The following MAP4K3 variants were observed in gnomAD, a reference collection of about 807,000 sequenced individuals.
The protein encoded by MAP4K3 is MAPK/ERK kinase kinase kinase 3.
MAP4K3 carries 94 observed loss-of-function variants against 143.5 expected under a neutral mutation model. That is an observed-to-expected ratio of 0.65 (90% CI 0.55 to 0.78). The LOEUF (loss-of-function observed/expected upper bound fraction) is 0.78, where lower values mean the gene tolerates loss of function less well. MAP4K3 is among the 30% of genes least tolerant of loss of function. MAP4K3 has a pLI of 0.00. For missense variants in MAP4K3, 1,077 were observed against 1,068.1 expected, an observed-to-expected ratio of 1.01 and a Z score of -0.12; for synonymous variants, 416 against 347.2, an observed-to-expected ratio of 1.20 and a Z score of -2.20.
intron 13 of MAP4K3, among the ~76,000 whole-genome samples, chr2:39,312,120 G>C (rs1278857501): frequency 6.6e-6 from 1 of 152,104 alleles, no homozygotes; most frequent in African/African-American, 2.4e-5. Flanking sequence ...GCTAAATTTT[G>C]GGTTTGCTAC....
At chr2:39,289,503 G>A (rs1681941731) in intron 19 of MAP4K3, among the ~76,000 whole-genome samples, 1 of 151,882 alleles carries the variant, frequency 6.6e-6, no homozygotes, top group African/African-American at 2.4e-5. Context: ...CCCATCAGTT[G>A]AAATTACTAT....
intron 28 of MAP4K3, among the ~76,000 whole-genome samples, chr2:39,261,349 C>T (rs1280496367): frequency 6.6e-6 from 1 of 152,014 alleles, no homozygotes; most frequent in African/African-American, 2.4e-5. Flanking sequence ...TATATTGCTA[C>T]AAAGAATAAA....
intron 28 of MAP4K3, 159 bp from the exon 29 acceptor site, chr2:39,260,936 AT>A: frequency 3.5e-6 from 2 of 568,328 alleles, no homozygotes; most frequent in South Asian, 2.4e-5. Context: ...TTTTATAAAC[AT>A]TTTAGGTTTA....
chr2:39,256,828 T>C (rs1355038843), intron 31 of MAP4K3, among the ~76,000 whole-genome samples: 2 of 152,172 alleles, frequency 1.3e-5, no homozygotes, highest in African/African-American at 4.8e-5. Context: ...TCATGCCTGA[T>C]TATCAGGTAC....
At chr2:39,427,628 C>T (rs1293661102) in intron 1 of MAP4K3, among the ~76,000 whole-genome samples, 12 of 152,126 alleles carry the variant, frequency 7.9e-5, no homozygotes, top group Non-Finnish European at 1.5e-5. Context: ...AGACTAATTA[C>T]ACAAGTTGCA....
At chr2:39,296,768 T>C (rs944963470) in intron 16 of MAP4K3, among the ~76,000 whole-genome samples, 5 of 152,246 alleles carry the variant, frequency 3.3e-5, no homozygotes, top group East Asian at 1.9e-4. Flanking sequence ...TACTTGTTCA[T>C]ACAATCAACA....
intron 1 of MAP4K3, among the ~76,000 whole-genome samples, chr2:39,391,920 C>G (rs1053035360): frequency 6.6e-6 from 1 of 152,032 alleles, no homozygotes; most frequent in African/African-American, 2.4e-5. Context: ...CGGTGGCTCA[C>G]ATCTGTAATC....
At chr2:39,322,793 C>T (rs989499998) in intron 12 of MAP4K3, among the ~76,000 whole-genome samples, 2 of 151,866 alleles carry the variant, frequency 1.3e-5, no homozygotes, top group Non-Finnish European at 2.9e-5. Context: ...CCACAGCCCC[C>T]TGAATAGCTG....
intron 1 of MAP4K3, chr2:39,436,586 C>G (rs1364682791): frequency 7.9e-6 from 3 of 381,938 alleles, no homozygotes; most frequent in Non-Finnish European, 1.4e-5. Flanking sequence ...CAGACCTTCT[C>G]TGCACTATGG....
At chr2:39,281,219 T>C (rs915518698) in intron 22 of MAP4K3, among the ~76,000 whole-genome samples, 11 of 152,212 alleles carry the variant, frequency 7.2e-5, no homozygotes, top group Admixed American at 2.6e-4. Flanking sequence ...CATCATTTTA[T>C]AGAAGGAATG....
intron 4 of MAP4K3, among the ~76,000 whole-genome samples, chr2:39,338,369 AAATT>A (rs552037280): frequency 6.6e-6 from 1 of 152,214 alleles, no homozygotes; most frequent in South Asian, 2.1e-4. Context: ...GATAGCTATA[AAATT>A]AATACATGTT....
rs542364179 is a variant in MAP4K3 at position 39,435,788 on chromosome 2, T to C, written c.96+1104A>G. Among the ~76,000 whole-genome samples the C allele has an allele frequency of 5.3e-5, 8 of 152,284 alleles. No homozygotes were observed. In the South Asian group the frequency reaches 8.3e-4, roughly 16 times the overall value. ...GGCTCAATATATCTATATTGCATAG[T>C]AGGAAAAGTGATGAGATCCACGATG... is the stretch of plus-strand genomic sequence containing the variant. On this transcript the variant is annotated intron_variant, in intron 1 of 33. Coordinates refer to ENST00000263881, the MANE Select transcript of MAP4K3 (RefSeq NM_003618.4).
At chr2:39,271,168 TAAG>T (rs1681003100) in intron 26 of MAP4K3, among the ~76,000 whole-genome samples, 1 of 152,164 alleles carries the variant, frequency 6.6e-6, no homozygotes, top group Non-Finnish European at 1.5e-5. Flanking sequence ...TATGGTACAA[TAAG>T]TACCTATATT....
intron 24 of MAP4K3, among the ~76,000 whole-genome samples, chr2:39,273,693 G>T (rs903022183): frequency 9.2e-5 from 14 of 152,150 alleles, no homozygotes; most frequent in African/African-American, 3.4e-4. Flanking sequence ...TCATTTACTG[G>T]GAAAATGTAC....
intron 1 of MAP4K3, among the ~76,000 whole-genome samples, chr2:39,423,841 G>T (rs1242782748): frequency 6.6e-6 from 1 of 152,232 alleles, no homozygotes; most frequent in African/African-American, 2.4e-5. Flanking sequence ...TATACTGATG[G>T]AAACATTTGT....
rs189816123 is a variant in MAP4K3, at chr2:39,274,895, T to A, written c.1795-2353A>T. On this transcript the variant is annotated intron_variant, in intron 24 of 33. Coordinates refer to ENST00000263881, the MANE Select transcript of MAP4K3 (RefSeq NM_003618.4). The stretch of plus-strand genomic sequence containing the variant: ...AAAAACTTTAAATCAGGACCCTGAT[T>A]AGTGTCATCTTCTCACTTTTCAGAA... Among the ~76,000 whole-genome samples the A allele has an allele frequency of 5.1e-4, 78 of 152,320 alleles. 2 individuals are homozygous for A. Among genetic ancestry groups the A allele is most frequent in the Admixed American group, 5.0e-3 (77 of 15,304 alleles).
rs187083493 is a variant in MAP4K3 at position 39,270,982 on chromosome 2, C to A, written c.1973+1301G>T. ...TACTATTAAAAAAACTAAAGATTGA[C>A]TATAATAAAATTCCTGAAATAATAA... On this transcript the variant is annotated intron_variant, in intron 26 of 33. Coordinates refer to ENST00000263881, the MANE Select transcript of MAP4K3 (RefSeq NM_003618.4). Among the ~76,000 whole-genome samples the A allele has an allele frequency of 8.8e-4, 133 of 151,844 alleles. 1 individual carries two copies. Among genetic ancestry groups the A allele is most frequent in the South Asian group, 1.5e-3 (7 of 4,816 alleles).
intron 2 of MAP4K3, among the ~76,000 whole-genome samples, chr2:39,360,591 T>C (rs932604893): frequency 8.5e-5 from 13 of 152,184 alleles, no homozygotes; most frequent in African/African-American, 3.1e-4. Flanking sequence ...GTGCTGCTAA[T>C]AAAGACCTAC....
chr2:39,400,603 T>A (rs1440643070), intron 1 of MAP4K3, among the ~76,000 whole-genome samples: 2 of 152,106 alleles, frequency 1.3e-5, no homozygotes, highest in African/African-American at 4.8e-5. Context: ...GCTCTTTTTT[T>A]AATTCCTTGG....
Sources: allele counts gnomAD v4.1 joint callset (sites outside exome capture counted in the v4.1 genomes callset), GRCh38; gene constraint gnomAD v4.1.1; transcripts MANE v1.5; gene names NCBI Gene and HGNC (gene_info 2026-07-23, HGNC 2026-07-21).